DCLK1: variants seen among roughly 807,000 people sequenced by gnomAD.
DCLK1 encodes doublecortin like kinase 1, also known as serine/threonine-protein kinase DCLK1.
Under a neutral mutation model 86.2 loss-of-function variants are expected in DCLK1, and 16 were observed. That is an observed-to-expected ratio of 0.19 (90% CI 0.13 to 0.28). The LOEUF (loss-of-function observed/expected upper bound fraction) is 0.28, where lower values mean the gene tolerates loss of function less well. Among genes scored for constraint, DCLK1 ranks in the 10% least tolerant of loss-of-function variants. The pLI is 1.00. For missense variants in DCLK1, 590 were observed against 940.2 expected, an observed-to-expected ratio of 0.63 and a Z score of 4.87; for synonymous variants, 369 against 370.5, an observed-to-expected ratio of 1.00 and a Z score of 0.05.
At chr13:35,866,223 A>G (rs1159289543) in intron 5 of DCLK1, among the ~76,000 whole-genome samples, 2 of 152,226 alleles carry the variant, frequency 1.3e-5, no homozygotes, top group African/African-American at 2.4e-5. Context: ...GAGGATCAAA[A>G]AAGATTGAAG....
At chr13:36,045,654 C>A (rs1566658881) in intron 3 of DCLK1, among the ~76,000 whole-genome samples, 1 of 151,598 alleles carries the variant, frequency 6.6e-6, no homozygotes, top group Admixed American at 6.6e-5. Flanking sequence ...GAGTTCAAGA[C>A]CAGCCTGGCC....
At chr13:35,831,659 G>A (rs1868976167) in intron 8 of DCLK1, among the ~76,000 whole-genome samples, 1 of 151,956 alleles carries the variant, frequency 6.6e-6, no homozygotes, top group Non-Finnish European at 1.5e-5. Context: ...GGTGAATACA[G>A]GCCGTTTGCT....
intron 5 of DCLK1, among the ~76,000 whole-genome samples, chr13:35,858,349 T>C (rs1265431221): frequency 6.6e-6 from 1 of 152,224 alleles, no homozygotes; most frequent in Non-Finnish European, 1.5e-5. Flanking sequence ...GTTTGGACAC[T>C]TTGAACGGAA....
At chr13:35,917,438 G>A (rs926696681) in intron 4 of DCLK1, among the ~76,000 whole-genome samples, 1 of 152,122 alleles carries the variant, frequency 6.6e-6, no homozygotes, top group African/African-American at 2.4e-5. Context: ...TGCTTCGGGG[G>A]TTGCCAGGTT....
intron 3 of DCLK1, among the ~76,000 whole-genome samples, chr13:36,072,134 C>T (rs1328417879): frequency 6.6e-6 from 1 of 152,128 alleles, no homozygotes; most frequent in Non-Finnish European, 1.5e-5. Flanking sequence ...CCTAAACTAG[C>T]TCCCTCACCT....
At chr13:35,931,705 G>T (rs1876441901) in intron 4 of DCLK1, among the ~76,000 whole-genome samples, 1 of 152,128 alleles carries the variant, frequency 6.6e-6, no homozygotes, top group African/African-American at 2.4e-5. Context: ...AGGAAACTTT[G>T]TCTGGAAAAG....
At chr13:35,953,136 C>A (rs1877795055) in intron 3 of DCLK1, among the ~76,000 whole-genome samples, 1 of 152,180 alleles carries the variant, frequency 6.6e-6, no homozygotes, top group South Asian at 2.1e-4. Context: ...CTTCAATATA[C>A]ATGATAACAC....
rs1038888031 is a variant in DCLK1, at chr13:35,971,811, C to T, written c.724-24354G>A. 4.0e-5 allele frequency among the ~76,000 whole-genome samples: 6 copies of T among 151,846 alleles called. No individual in the cohort carries two copies. In the South Asian group the frequency reaches 6.2e-4, roughly 16 times the overall value. On this transcript the variant is annotated intron_variant, in intron 3 of 16. Transcript: ENST00000360631. ...AGTAAAGGCACTCTCCCTGTTAATG[C>T]TGGGCCCTGGAGCTGCTAACGCACC...
At chr13:35,938,309 A>G (rs567348222) in intron 4 of DCLK1, among the ~76,000 whole-genome samples, 96 of 152,212 alleles carry the variant, frequency 6.3e-4, no homozygotes, top group African/African-American at 2.1e-3. Flanking sequence ...CTGGGGAGAC[A>G]TTAATTTGGG....
intron 3 of DCLK1, among the ~76,000 whole-genome samples, chr13:36,056,940 T>C (rs946792783): frequency 2.0e-5 from 3 of 146,732 alleles, no homozygotes; most frequent in East Asian, 2.0e-4. Flanking sequence ...CACACACACA[T>C]ATATATTCTC....
chr13:35,973,488 C>T (rs535411402), intron 3 of DCLK1, among the ~76,000 whole-genome samples: 1 of 152,332 alleles, frequency 6.6e-6, no homozygotes. Flanking sequence ...CTGGGCTCCT[C>T]TCTAACAAGG....
intron 3 of DCLK1, among the ~76,000 whole-genome samples, chr13:36,081,718 A>G (rs1335525606): frequency 3.3e-5 from 5 of 152,224 alleles, no homozygotes; most frequent in Non-Finnish European, 5.9e-5. Context: ...AAAGGATTGC[A>G]TCAAACCATT....
chr13:36,016,332 T>C (rs1006908378), intron 3 of DCLK1, among the ~76,000 whole-genome samples: 1 of 152,200 alleles, frequency 6.6e-6, no homozygotes, highest in African/African-American at 2.4e-5. Flanking sequence ...TTTCTGTATT[T>C]CCTTTCTGCC....
At chr13:35,984,193 G>T (rs1332295211) in intron 3 of DCLK1, among the ~76,000 whole-genome samples, 1 of 152,204 alleles carries the variant, frequency 6.6e-6, no homozygotes, top group Non-Finnish European at 1.5e-5. Flanking sequence ...GACCCCTAGG[G>T]TGGGTGTCTG....
intron 4 of DCLK1, among the ~76,000 whole-genome samples, chr13:35,916,193 C>T (rs1212246599): frequency 6.6e-6 from 1 of 152,156 alleles, no homozygotes; most frequent in Non-Finnish European, 1.5e-5. Context: ...AACCAAAACA[C>T]CCATAACAAA....
At chr13:36,099,879 T>C (rs1383566163) in intron 3 of DCLK1, among the ~76,000 whole-genome samples, 1 of 152,128 alleles carries the variant, frequency 6.6e-6, no homozygotes, top group Non-Finnish European at 1.5e-5. Context: ...ACTGAACGTA[T>C]CCCAGAGGCA....
At chr13:36,015,529 G>A (rs1412227940) in intron 3 of DCLK1, among the ~76,000 whole-genome samples, 1 of 152,100 alleles carries the variant, frequency 6.6e-6, no homozygotes, top group Non-Finnish European at 1.5e-5. Context: ...TGGACTAGAT[G>A]GAACTTAAGT....
In DCLK1 at chr13:36,056,906, A is replaced by AAAATAT. The variant is rs4054844; in HGVS notation, c.723+54962_723+54963insATATTT. Among the ~76,000 whole-genome samples the AAAATAT allele has an allele frequency of 5.8e-3, 760 of 130,076 alleles. 9 individuals carry two copies. The highest frequency in any genetic ancestry group is 0.019 in the African/African-American group (684 of 35,468). 85.3% of individuals were successfully genotyped at this position (130,076 alleles called of 152,430 possible). A position where few individuals can be genotyped will look rare whatever the true frequency, so the allele number is the denominator to read the frequency against. ...GCAAGACTGTGACAAAAAAAAAAAAAATATATATATATATATATATACACA... is the reference window on the plus strand; with the variant it reads ...GCAAGACTGTGACAAAAAAAAAAAAAAAATATATATATATATATATATATATACACA... On this transcript the variant is annotated intron_variant, in intron 3 of 16. Coordinates refer to ENST00000360631, the MANE Select transcript of DCLK1 (RefSeq NM_001330071.2).
At chr13:36,108,943 G>A (rs545117928) in intron 3 of DCLK1, among the ~76,000 whole-genome samples, 17 of 152,316 alleles carry the variant, frequency 1.1e-4, no homozygotes, top group African/African-American at 2.6e-4. Context: ...ACAGGACAGC[G>A]TGGAGGAAAC....
Sources: allele counts gnomAD v4.1 joint callset (sites outside exome capture counted in the v4.1 genomes callset), GRCh38; gene constraint gnomAD v4.1.1; transcripts MANE v1.5; gene names NCBI Gene and HGNC (gene_info 2026-07-23, HGNC 2026-07-21).